The following ACAP2 variants were observed in gnomAD, a reference collection of about 807,000 sequenced individuals.
ACAP2 encodes ArfGAP with coiled-coil, ankyrin repeat and PH domains 2.
In ACAP2, 39 loss-of-function variants were observed where a neutral mutation model predicts 115.8. The ratio of observed to expected loss-of-function variants is 0.34; its 90% CI spans 0.26 to 0.44. The LOEUF (loss-of-function observed/expected upper bound fraction) is 0.44. Among genes scored for constraint, ACAP2 ranks in the 20% least tolerant of loss-of-function variants. The pLI, the probability that ACAP2 is intolerant of heterozygous loss-of-function variation, is 1.00. For synonymous variants in ACAP2, 289 were observed against 315.8 expected (o/e 0.92, Z 0.90); for missense variants, 662 against 927.6 (o/e 0.71, Z 3.72).
rs1471141714 is a variant in ACAP2, at chr3:195,276,157, CTT to C, written c.*3169_*3170del. On this transcript the variant is annotated 3_prime_UTR_variant, in exon 23 of 23. Transcript: ENST00000326793. ...GCATAAAATATTTTTAAAATACAAA[CTT>C]AAATTGGCCAGATTCTGAATGTGTA... 6.6e-6 allele frequency: 1 copy of C among 152,596 alleles called. No homozygotes were observed. Among genetic ancestry groups the C allele is most frequent in the Middle Eastern group, 3.2e-3 (1 of 316 alleles). 9.5% of individuals were successfully genotyped at this position (152,596 alleles called of 1,614,324 possible).
At chr3:195,337,123 C>T in intron 6 of ACAP2, 147 bp from the exon 7 acceptor site, 2 of 661,288 alleles carry the variant, frequency 3.0e-6, no homozygotes, top group Admixed American at 3.7e-5. Flanking sequence ...CTTCAACTAT[C>T]CTTTTGCAAA....
intron 15 of ACAP2, among the ~76,000 whole-genome samples, chr3:195,299,663 T>G (rs764743717): frequency 6.6e-6 from 1 of 151,832 alleles, no homozygotes; most frequent in Non-Finnish European, 1.5e-5. Flanking sequence ...ACGGTGAAAC[T>G]CCATCTCTAC....
Position 195,409,879 on chromosome 3 carries a change from CAAAAAAAAAAAAAA to C in ACAP2, c.54-17746_54-17733del, listed in dbSNP as rs59779977. On this transcript the variant is annotated intron_variant, in intron 1 of 22. Coordinates refer to ENST00000326793, the MANE Select transcript of ACAP2 (RefSeq NM_012287.6). ...TAACAGAGTGAGTGAGACTCCATCT[CAAAAAAAAAAAAAA>C]AAAAAAAAAAAAACAGAAATAGAAA... Among the ~76,000 whole-genome samples, 84 of 57,006 alleles carry C rather than the reference CAAAAAAAAAAAAAA, an allele frequency of 1.5e-3. 2 individuals carry two copies. Among genetic ancestry groups the C allele is most frequent in the African/African-American group, 5.9e-3 (76 of 12,774 alleles). The allele number at this position is 57,006 out of a possible 152,430, so 37.4% of individuals were successfully genotyped here. A position where few individuals can be genotyped will look rare whatever the true frequency, so the allele number is the denominator to read the frequency against.
chr3:195,357,753 C>T (rs1732077642), intron 4 of ACAP2: 1 of 152,278 alleles, frequency 6.6e-6, no homozygotes, highest in South Asian at 2.1e-4. Flanking sequence ...CATTCTCACA[C>T]TGCTATAAAG....
chr3:195,357,281 C>T (rs1172669747), intron 4 of ACAP2, among the ~76,000 whole-genome samples: 1 of 152,070 alleles, frequency 6.6e-6, no homozygotes, highest in Non-Finnish European at 1.5e-5. Context: ...CTTTTGATTT[C>T]AGTACCAGCT....
intron 4 of ACAP2, among the ~76,000 whole-genome samples, chr3:195,362,587 C>T (rs1163331595): frequency 6.6e-6 from 1 of 151,908 alleles, no homozygotes; most frequent in Admixed American, 6.6e-5. Context: ...TGAAAAAATC[C>T]TCAACAAAAT....
In ACAP2 at chr3:195,282,970, A is replaced by G. The variant is rs112407979; in HGVS notation, c.2236+2826T>C. Among the ~76,000 whole-genome samples the G allele has an allele frequency of 4.2e-4, 64 of 152,334 alleles. No individual in the cohort carries two copies. The Middle Eastern group carries it at 0.017, about 40-fold the overall frequency. ...CCTCACCTCACAGGGACGGCAGCAC[A>G]TGAGACCCACCCCAGGTCATCCTAT... On this transcript the variant is annotated intron_variant, in intron 22 of 22. Coordinates refer to ENST00000326793, the MANE Select transcript of ACAP2 (RefSeq NM_012287.6).
At position 195,295,137 on chromosome 3, in the gene ACAP2, C is replaced by T; in HGVS notation, c.1673-326G>A. 4.2e-6 allele frequency: 4 copies of T among 960,998 alleles called. No individual in the cohort carries two copies. The South Asian group carries it at 5.6e-5, about 13-fold the overall frequency. The allele number at this position is 960,998 out of a possible 1,614,324, so 59.5% of individuals were successfully genotyped here. On this transcript the variant is annotated intron_variant, in intron 17 of 22. Transcript: ENST00000326793. The stretch of plus-strand genomic sequence containing the variant: ...CAATGGGTAACATCTAGAGAAATGG[C>T]CACACCGCACAATGACCACTGGCAC...
At chr3:195,432,574 C>A (rs1413738342) in intron 1 of ACAP2, among the ~76,000 whole-genome samples, 1 of 152,180 alleles carries the variant, frequency 6.6e-6, no homozygotes, top group African/African-American at 2.4e-5. Context: ...CAGTACTACA[C>A]CGTCTTCATT....
At chr3:195,284,020 A>C (rs116582536) in intron 22 of ACAP2, among the ~76,000 whole-genome samples, 228 of 152,334 alleles carry the variant, frequency 1.5e-3, no homozygotes, top group African/African-American at 5.3e-3. Flanking sequence ...CAGACACCCA[A>C]ACAATTTGGG....
At position 195,320,689 on chromosome 3, in the gene ACAP2, G is replaced by A. The variant is rs1254115250; in HGVS notation, c.857+12C>T. 4.4e-6 allele frequency: 7 copies of A among 1,588,104 alleles called. No homozygotes were observed. Among genetic ancestry groups the A allele is most frequent in the Middle Eastern group, 1.7e-4 (1 of 5,996 alleles). ...TATGTATAGATCAAGACTAGTATTT[G>A]AAATATATTACCTGTTCCAAGTTTT... On this transcript the variant is annotated intron_variant, in intron 10 of 22. Coordinates refer to ENST00000326793, the MANE Select transcript of ACAP2 (RefSeq NM_012287.6).
chr3:195,354,975 C>T (rs1050138708), intron 4 of ACAP2, among the ~76,000 whole-genome samples: 1 of 152,114 alleles, frequency 6.6e-6, no homozygotes, highest in Non-Finnish European at 1.5e-5. Context: ...GCAATTCTTG[C>T]GCCTTAGCCC....
intron 20 of ACAP2, among the ~76,000 whole-genome samples, chr3:195,289,631 T>C (rs1374581660): frequency 1.3e-5 from 2 of 150,030 alleles, no homozygotes; most frequent in African/African-American, 4.9e-5. Context: ...AAACCCCGTC[T>C]CTACTAAAAT....
At chr3:195,286,801 G>C (rs571762364) in intron 21 of ACAP2, among the ~76,000 whole-genome samples, 1 of 152,302 alleles carries the variant, frequency 6.6e-6, no homozygotes, top group East Asian at 1.9e-4. Flanking sequence ...AAATTTAGAC[G>C]ATTTGAAAAC....
chr3:195,442,421 G>A lies in ACAP2; in HGVS notation c.53+374C>T, dbSNP rs1716079315. The A allele has an allele frequency of 1.1e-5, 4 of 351,562 alleles. No homozygotes were observed. In the South Asian group the frequency reaches 1.3e-4, roughly 12 times the overall value. The allele number at this position is 351,562 out of a possible 1,614,324, so 21.8% of individuals were successfully genotyped here. A position where few individuals can be genotyped will look rare whatever the true frequency, so the allele number is the denominator to read the frequency against. On this transcript the variant is annotated intron_variant, in intron 1 of 22. Transcript: ENST00000326793. ...GAAACCAAGAAGGGGCGGAAGGAAG[G>A]GGGAAGGAAGAGCAGCCAGAGGAGG...
chr3:195,342,617 C>G lies in ACAP2; in HGVS notation c.382G>C (p.Glu128Gln). 1 of 1,605,110 alleles carries G rather than the reference C, an allele frequency of 6.2e-7. No individual in the cohort carries two copies. The highest frequency in any genetic ancestry group is 8.5e-7 in the Non-Finnish European group (1 of 1,177,526). ...TTTTCTTTTTCTTCACTGACTTTTT[C>G]GAATTGCTTCTTGGCATCTTTGAAT... ...RKFKDAKKQF[E>Q]KVSEEKENAL... Residue 128 changes from glutamate to glutamine, a missense_variant, in exon 6 of 23, where the codon GAA (glutamate) becomes CAA (glutamine). This residue lies in a region of ACAP2 where 401 missense variants were observed against 604.4 expected (regional missense o/e 0.66). Transcript: ENST00000326793.
chr3:195,352,112 T>TA (rs1310603782), intron 4 of ACAP2, among the ~76,000 whole-genome samples: 1 of 152,100 alleles, frequency 6.6e-6, no homozygotes, highest in African/African-American at 2.4e-5. Context: ...CCCATAAAAT[T>TA]ATAGTACTGT....
Position 195,305,979 on chromosome 3 carries a change from G to A in ACAP2, c.1116+532C>T, listed in dbSNP as rs552893952. ...ATCACTAAGCCTATGCCACAGTCTT[G>A]CCAGATGACCCAAAAGTGCTGAGTT... On this transcript the variant is annotated intron_variant, in intron 13 of 22. Transcript: ENST00000326793. Among the ~76,000 whole-genome samples the A allele has an allele frequency of 6.6e-5, 10 of 152,026 alleles. No homozygotes were observed. In the South Asian group the frequency reaches 1.9e-3, roughly 28 times the overall value.
At chr3:195,394,449 CT>C (rs1375051240) in intron 1 of ACAP2, among the ~76,000 whole-genome samples, 1 of 152,192 alleles carries the variant, frequency 6.6e-6, no homozygotes, top group Non-Finnish European at 1.5e-5. Flanking sequence ...TTGGGATAAA[CT>C]TTTTGTAACT....
Sources: gnomAD v4.1 joint callset for allele counts (sites outside exome capture counted in the v4.1 genomes callset) on GRCh38, gnomAD v4.1.1 for gene constraint, gnomAD v4.1.1 regional missense constraint, MANE v1.5 for transcripts, NCBI Gene and HGNC (gene_info 2026-07-23, HGNC 2026-07-21) for gene names.